ZNF577: variants seen among roughly 807,000 people sequenced by gnomAD.
ZNF577 encodes zinc finger protein 577.
In ZNF577, 14 loss-of-function variants were observed where a neutral mutation model predicts 13.9. The observed-to-expected ratio is 1.00, with a 90% confidence interval of 0.66 to 1.57. The LOEUF is 1.57. Among genes scored for constraint, ZNF577 ranks in the 40% most tolerant of loss-of-function variants. The pLI, the probability that ZNF577 is intolerant of heterozygous loss-of-function variation, is 0.00. For missense variants in ZNF577, 555 were observed against 579.2 expected, an observed-to-expected ratio of 0.96 and a Z score of 0.43; for synonymous variants, 203 against 202.9, an observed-to-expected ratio of 1.00 and a Z score of 0.00.
chr19:51,831,533 T>A (rs1599845411), intron 9 of ZNF577, among the ~76,000 whole-genome samples: 1 of 152,148 alleles, frequency 6.6e-6, no homozygotes, highest in Non-Finnish European at 1.5e-5. Flanking sequence ...ACCATCATCA[T>A]CCGGACCACT....
At chr19:51,847,047 G>C (rs2084356524) in intron 5 of ZNF577, among the ~76,000 whole-genome samples, 1 of 152,118 alleles carries the variant, frequency 6.6e-6, no homozygotes, top group Non-Finnish European at 1.5e-5. Flanking sequence ...TACAGAAGTT[G>C]GGTATCTTGC....
At position 51,816,463 on chromosome 19, in the gene ZNF577, G is replaced by T. The variant is rs201668496; in HGVS notation, c.*600-4789C>A. 3.3e-5 allele frequency among the ~76,000 whole-genome samples: 5 copies of T among 152,300 alleles called. No individual in the cohort carries two copies. In the East Asian group the frequency reaches 5.8e-4, roughly 18 times the overall value. On this transcript the variant is annotated intron_variant and NMD_transcript_variant, in intron 9 of 10. Transcript: ENST00000638827. Reference sequence around the variant, plus strand: ...AGGTTTTGCCACATTGGCCAGACTGGTCTCCAAATCCTGGCCTCAAGTGAT... The same window carrying T: ...AGGTTTTGCCACATTGGCCAGACTGTTCTCCAAATCCTGGCCTCAAGTGAT...
chr19:51,806,381 C>CG (rs2084058952), intron 10 of ZNF577, among the ~76,000 whole-genome samples: 1 of 152,202 alleles, frequency 6.6e-6, no homozygotes, highest in Non-Finnish European at 1.5e-5. Context: ...TGGGGATTTC[C>CG]ATAACACTTT....
chr19:51,814,659 A>G (rs1309733467), intron 9 of ZNF577, among the ~76,000 whole-genome samples: 1 of 151,500 alleles, frequency 6.6e-6, no homozygotes, highest in Non-Finnish European at 1.5e-5. Flanking sequence ...CTGCTGGGCT[A>G]ATTTTTGTAT....
chr19:51,866,356 A>G (rs1009158576), downstream of ZNF577, among the ~76,000 whole-genome samples: 5 of 152,306 alleles, frequency 3.3e-5, no homozygotes, highest in Middle Eastern at 6.8e-3. Flanking sequence ...ACCTGTCTCA[A>G]ATAAAAATTA....
intron 5 of ZNF577, among the ~76,000 whole-genome samples, chr19:51,875,363 C>CAAAAAAA (rs538987406): frequency 3.1e-5 from 2 of 63,784 alleles, no homozygotes; most frequent in Admixed American, 1.5e-4. Context: ...AACTCTGTCA[C>CAAAAAAA]AAAAAAAAAA....
At chr19:51,878,638 T>A in intron 3 of ZNF577, 123 bp from the exon 4 acceptor site, 1 of 1,253,924 alleles carries the variant, frequency 8.0e-7, no homozygotes, top group Admixed American at 2.1e-5. Context: ...CTATTTCACA[T>A]ACCAAAGGAC....
Position 51,824,121 on chromosome 19 carries a change from A to T in ZNF577, c.*600-12447T>A. On this transcript the variant is annotated intron_variant and NMD_transcript_variant, in intron 9 of 10. Coordinates refer to the ZNF577 transcript ENST00000638827. The surrounding 1 kb of genome is among the most constrained non-coding windows in gnomAD (Gnocchi z 4.7). Reference sequence around the variant, plus strand: ...CACCATCATTGCTCTGGACCGCTGTATTTGTGTCCTGCATCCAGCCTGGGC... The same window carrying T: ...CACCATCATTGCTCTGGACCGCTGTTTTTGTGTCCTGCATCCAGCCTGGGC... 1 of 1,613,992 alleles carries T rather than the reference A, an allele frequency of 6.2e-7. No homozygotes were observed. Among genetic ancestry groups the T allele is most frequent in the Middle Eastern group, 1.7e-4 (1 of 6,060 alleles).
At chr19:51,828,382 G>A (rs548788680) in intron 9 of ZNF577, among the ~76,000 whole-genome samples, 191 of 151,088 alleles carry the variant, frequency 1.3e-3, no homozygotes, top group African/African-American at 4.0e-3. Flanking sequence ...AAAAAAAAAG[G>A]AGAAGAAAAA....
intron 5 of ZNF577, among the ~76,000 whole-genome samples, chr19:51,846,184 C>A (rs1428158599): frequency 2.0e-5 from 3 of 152,076 alleles, no homozygotes. Context: ...GTCCACCATG[C>A]CCAGCTAATT....
At chr19:51,859,952 TA>T (rs2084479161) in intron 5 of ZNF577, among the ~76,000 whole-genome samples, 1 of 152,150 alleles carries the variant, frequency 6.6e-6, no homozygotes, top group Non-Finnish European at 1.5e-5. Flanking sequence ...ACTATTCGAC[TA>T]ATCCTTATTA....
chr19:51,865,933 G>A (rs892291989), downstream of ZNF577, among the ~76,000 whole-genome samples: 3 of 152,046 alleles, frequency 2.0e-5, no homozygotes, highest in Non-Finnish European at 4.4e-5. Context: ...TGACCAACAT[G>A]GTAAAACCCC....
At chr19:51,877,448 T>A (rs2084784078) in intron 4 of ZNF577, 71 bp from the exon 5 acceptor site, 3 of 1,271,204 alleles carry the variant, frequency 2.4e-6, no homozygotes, top group African/African-American at 1.5e-5. Context: ...GAGGGTTATG[T>A]CTCAGGAACC....
chr19:51,884,294 A>C (rs745683063), intron 1 of ZNF577, among the ~76,000 whole-genome samples: 1 of 152,184 alleles, frequency 6.6e-6, no homozygotes, highest in Non-Finnish European at 1.5e-5. Context: ...AAATTTTTTT[A>C]ATGACCTTAC....
chr19:51,828,363 A>G (rs2084242415), intron 9 of ZNF577, among the ~76,000 whole-genome samples: 1 of 141,706 alleles, frequency 7.1e-6, no homozygotes, highest in South Asian at 2.8e-4. Context: ...GAAAGATTCC[A>G]TCTCAAAAAA....
At chr19:51,857,253 C>CTAT (rs1259543092) in intron 5 of ZNF577, among the ~76,000 whole-genome samples, 1 of 151,050 alleles carries the variant, frequency 6.6e-6, no homozygotes. Context: ...GAACCGATAT[C>CTAT]GTGCCACCGC....
chr19:51,865,276 T>C (rs1192898060), downstream of ZNF577, among the ~76,000 whole-genome samples: 4 of 152,186 alleles, frequency 2.6e-5, no homozygotes, highest in Non-Finnish European at 5.9e-5. Context: ...TTTGTATTTT[T>C]AGTAGAGACA....
chr19:51,865,019 C>T (rs1184738929), downstream of ZNF577, among the ~76,000 whole-genome samples: 2 of 152,246 alleles, frequency 1.3e-5, no homozygotes, highest in Non-Finnish European at 2.9e-5. Context: ...CAGCTCTTCA[C>T]ATAAATGTAA....
At position 51,873,344 on chromosome 19, in the gene ZNF577, A is replaced by C. The variant is rs747831529; in HGVS notation, c.646T>G (p.Cys216Gly). 3.7e-6 allele frequency: 6 copies of C among 1,614,188 alleles called. No homozygotes were observed. In the South Asian group the frequency reaches 6.6e-5, roughly 18 times the overall value. ...RTHTGEKPHE[C>G]SECGKAFSRK... The stretch of plus-strand genomic sequence containing the variant: ...GAGAAGGCTTTTCCACATTCACTAC[A>C]TTCATGGGGCTTCTCTCCTGTGTGA... The change falls in exon 6 of 6, where the codon TGT becomes GGT. Residue 216 changes from cysteine to glycine, a missense_variant. Physicochemically the swap from Cys to Gly is radical, Grantham distance 159. Transcript: ENST00000638348.
Sources: gnomAD v4.1 joint callset for allele counts (sites outside exome capture counted in the v4.1 genomes callset) on GRCh38, gnomAD v4.1.1 for gene constraint, Gnocchi (gnomAD v3.1) non-coding constraint, MANE v1.5 for transcripts, NCBI Gene and HGNC (gene_info 2026-07-23, HGNC 2026-07-21) for gene names.